GPD2: variants seen among roughly 807,000 people sequenced by gnomAD.
GPD2 encodes the protein glycerol-3-phosphate dehydrogenase 2.
GPD2 carries 54 observed loss-of-function variants against 82.4 expected under a neutral mutation model. That is an observed-to-expected ratio of 0.66 (90% CI 0.53 to 0.82). The LOEUF (loss-of-function observed/expected upper bound fraction) is 0.82. GPD2 is among the 40% of genes least tolerant of loss of function. The pLI, the probability that GPD2 is intolerant of heterozygous loss-of-function variation, is 0.00. For missense variants in GPD2, 748 were observed against 896.2 expected, an observed-to-expected ratio of 0.83 and a Z score of 2.11; for synonymous variants, 288 against 306.1, an observed-to-expected ratio of 0.94 and a Z score of 0.62.
intron 1 of GPD2, among the ~76,000 whole-genome samples, chr2:156,444,388 C>T (rs1682281835): frequency 6.6e-6 from 1 of 152,148 alleles, no homozygotes; most frequent in African/African-American, 2.4e-5. Context: ...CATCCCCATC[C>T]GCCATTAAGT....
intron 1 of GPD2, among the ~76,000 whole-genome samples, chr2:156,471,118 A>G (rs298261): frequency 0.92 from 140,090 of 152,216 alleles, 65,586 homozygotes; most frequent in East Asian, 1. Context: ...CCAGCTGCCC[A>G]AACTAAAACC....
the GPD2 span, among the ~76,000 whole-genome samples, chr2:156,400,735 A>G: frequency 6.6e-6 from 1 of 152,240 alleles, no homozygotes. Flanking sequence ...AGCAGACTGA[A>G]TGAGTATGGA....
At chr2:156,528,791 G>A (rs1398941534) in intron 6 of GPD2, among the ~76,000 whole-genome samples, 2 of 152,128 alleles carry the variant, frequency 1.3e-5, no homozygotes, top group South Asian at 4.2e-4. Flanking sequence ...TGGCTGCATA[G>A]TACTCCATGG....
At chr2:156,486,022 A>T (rs1683926204) in intron 2 of GPD2, among the ~76,000 whole-genome samples, 1 of 152,208 alleles carries the variant, frequency 6.6e-6, no homozygotes, top group Admixed American at 6.5e-5. Flanking sequence ...ATTTGTGGGA[A>T]TGTGTCTGAT....
intron 6 of GPD2, among the ~76,000 whole-genome samples, chr2:156,533,089 A>C (rs1271283656): frequency 6.6e-6 from 1 of 152,168 alleles, no homozygotes; most frequent in East Asian, 1.9e-4. Context: ...CTAAGGCTGA[A>C]GGAAGCAGCA....
intron 6 of GPD2, among the ~76,000 whole-genome samples, chr2:156,523,557 C>T (rs545626637): frequency 1.3e-5 from 2 of 152,244 alleles, no homozygotes; most frequent in East Asian, 3.9e-4. Flanking sequence ...CCCTTTCCCC[C>T]ACTCCCCACT....
At chr2:156,542,380 A>G (rs1453687383) in intron 6 of GPD2, among the ~76,000 whole-genome samples, 1 of 152,222 alleles carries the variant, frequency 6.6e-6, no homozygotes, top group Non-Finnish European at 1.5e-5. Context: ...CTCACTGCTA[A>G]CAGGTGTCCC....
At chr2:156,486,440 A>G (rs1218707810) in intron 2 of GPD2, among the ~76,000 whole-genome samples, 1 of 152,230 alleles carries the variant, frequency 6.6e-6, no homozygotes, top group Non-Finnish European at 1.5e-5. Context: ...AGCAACATTG[A>G]CATTCATTTT....
chr2:156,574,350 C>G (rs1030470512), intron 13 of GPD2, among the ~76,000 whole-genome samples: 14 of 152,022 alleles, frequency 9.2e-5, no homozygotes, highest in African/African-American at 2.9e-4. Context: ...GCAATTAGAA[C>G]CTTTAAAATG....
At chr2:156,484,455 T>C (rs2105218384) in intron 2 of GPD2, among the ~76,000 whole-genome samples, 1 of 152,294 alleles carries the variant, frequency 6.6e-6, no homozygotes, top group South Asian at 2.1e-4. Context: ...AAAAAAACCT[T>C]AGGAAATGCT....
At chr2:156,452,406 C>A (rs1682640531) in intron 1 of GPD2, among the ~76,000 whole-genome samples, 1 of 152,270 alleles carries the variant, frequency 6.6e-6, no homozygotes, top group Non-Finnish European at 1.5e-5. Flanking sequence ...ATACAAAAAC[C>A]AGTCAGGCGC....
intron 6 of GPD2, 122 bp downstream of exon 6, chr2:156,513,618 C>T (rs1452852886): frequency 2.6e-6 from 2 of 769,176 alleles, no homozygotes; most frequent in Non-Finnish European, 2.2e-6. Flanking sequence ...AACACACAAA[C>T]ACACGTGCAC....
intron 2 of GPD2, among the ~76,000 whole-genome samples, chr2:156,476,837 C>A (rs971971600): frequency 2.6e-5 from 4 of 151,982 alleles, no homozygotes; most frequent in African/African-American, 9.7e-5. Flanking sequence ...TGGCTTTGTT[C>A]TTTTCAGGCT....
chr2:156,569,265 C>G, intron 10 of GPD2, 98 bp from the exon 11 acceptor site: 1 of 835,254 alleles, frequency 1.2e-6, no homozygotes. Flanking sequence ...TTGTTACAAA[C>G]AACAGGAAAA....
chr2:156,469,683 T>C (rs1014873634), intron 1 of GPD2, among the ~76,000 whole-genome samples: 11 of 152,210 alleles, frequency 7.2e-5, no homozygotes, highest in African/African-American at 2.4e-4. Flanking sequence ...GAAATTACTC[T>C]TCTGTAATTG....
intron 6 of GPD2, among the ~76,000 whole-genome samples, chr2:156,514,409 C>G (rs1215830915): frequency 1.3e-5 from 2 of 151,214 alleles, no homozygotes; most frequent in African/African-American, 4.9e-5. Context: ...CCTCAGTGAG[C>G]CCCCCACCCC....
intron 1 of GPD2, 67 bp from the exon 2 acceptor site, chr2:156,476,031 A>G: frequency 2.4e-6 from 2 of 821,210 alleles, no homozygotes; most frequent in Non-Finnish European, 4.4e-6. Flanking sequence ...ACAGTGTCTT[A>G]TTATTGGGAT....
intron 2 of GPD2, among the ~76,000 whole-genome samples, chr2:156,478,844 T>C (rs1321034418): frequency 1.3e-5 from 2 of 152,246 alleles, no homozygotes; most frequent in Non-Finnish European, 2.9e-5. Context: ...TCTAGTTTCC[T>C]AAGAAGATTC....
chr2:156,462,878 G>C (rs771416342), intron 1 of GPD2, among the ~76,000 whole-genome samples: 1 of 152,144 alleles, frequency 6.6e-6, no homozygotes, highest in African/African-American at 2.4e-5. Flanking sequence ...TAACAATGAC[G>C]AGTTAATGGG....
Sources: gnomAD v4.1 joint callset for allele counts (sites outside exome capture counted in the v4.1 genomes callset) on GRCh38, gnomAD v4.1.1 for gene constraint, MANE v1.5 for transcripts, NCBI Gene and HGNC (gene_info 2026-07-23, HGNC 2026-07-21) for gene names.